TANK: variants seen among roughly 807,000 people sequenced by gnomAD.
TANK encodes TRAF family member-associated NF-kappa-B activator.
Under a neutral mutation model 43.6 loss-of-function variants are expected in TANK, and 15 were observed. The observed-to-expected ratio is 0.34, with a 90% CI of 0.23 to 0.53. The LOEUF (loss-of-function observed/expected upper bound fraction) is 0.53. Ranked by LOEUF, TANK falls within the 20% of genes least tolerant of loss-of-function variation. The pLI is 0.94. For missense variants in TANK, 417 were observed against 498.6 expected, an observed-to-expected ratio of 0.84 and a Z score of 1.56; for synonymous variants, 162 against 178.2, an observed-to-expected ratio of 0.91 and a Z score of 0.73.
intron 1 of TANK, among the ~76,000 whole-genome samples, chr2:161,150,720 G>A (rs10196839): frequency 0.055 from 8,314 of 150,866 alleles, 724 homozygotes; most frequent in African/African-American, 0.19. Context: ...CCAAATAGCC[G>A]GGATTACAGG....
intron 4 of TANK, among the ~76,000 whole-genome samples, chr2:161,211,299 T>C (rs1247710504): frequency 6.6e-6 from 1 of 152,180 alleles, no homozygotes; most frequent in Non-Finnish European, 1.5e-5. Flanking sequence ...TCATATCTTA[T>C]ATACACTGGA....
intron 1 of TANK, among the ~76,000 whole-genome samples, chr2:161,166,936 T>A (rs971555891): frequency 6.6e-6 from 1 of 152,246 alleles, no homozygotes; most frequent in African/African-American, 2.4e-5. Context: ...TGGGAAAGGC[T>A]GGTGGCTTTC....
intron 1 of TANK, among the ~76,000 whole-genome samples, chr2:161,172,737 C>T (rs1456504857): frequency 1.3e-5 from 2 of 152,118 alleles, no homozygotes; most frequent in African/African-American, 2.4e-5. Flanking sequence ...GGTCCCATTT[C>T]AGGCCAACTG....
intron 4 of TANK, among the ~76,000 whole-genome samples, chr2:161,211,077 G>A (rs1177687430): frequency 6.6e-6 from 1 of 152,184 alleles, no homozygotes; most frequent in East Asian, 1.9e-4. Flanking sequence ...CTTCAGAGGA[G>A]AAAGTGCTTT....
intron 2 of TANK, among the ~76,000 whole-genome samples, chr2:161,188,461 T>TGATTC (rs1344019122): frequency 5.9e-5 from 9 of 152,274 alleles, no homozygotes; most frequent in African/African-American, 2.2e-4. Flanking sequence ...CACTAACTAC[T>TGATTC]AAGAATGAAT....
chr2:161,197,328 GCT>G (rs1686199465), intron 2 of TANK: 1 of 151,904 alleles, frequency 6.6e-6, no homozygotes, highest in African/African-American at 2.4e-5. Flanking sequence ...TGTTTTCTTT[GCT>G]TGACAGAATG....
At chr2:161,177,961 T>C (rs900624528) in intron 1 of TANK, among the ~76,000 whole-genome samples, 1 of 152,138 alleles carries the variant, frequency 6.6e-6, no homozygotes, top group African/African-American at 2.4e-5. Flanking sequence ...AAAACCTTGA[T>C]AGGGTATCCT....
intron 7 of TANK, among the ~76,000 whole-genome samples, chr2:161,233,653 A>G (rs979136162): frequency 1.3e-5 from 2 of 152,106 alleles, no homozygotes; most frequent in Non-Finnish European, 2.9e-5. Flanking sequence ...AAGAGATCAA[A>G]TCTGAACTAA....
intron 1 of TANK, among the ~76,000 whole-genome samples, chr2:161,170,350 T>C (rs1046855653): frequency 6.6e-6 from 1 of 152,214 alleles, no homozygotes; most frequent in African/African-American, 2.4e-5. Flanking sequence ...AACAAAGTGC[T>C]GTTGCTCTGG....
chr2:161,153,687 CAAAAAA>C (rs11395042), intron 1 of TANK, among the ~76,000 whole-genome samples: 3 of 76,340 alleles, frequency 3.9e-5, no homozygotes, highest in Non-Finnish European at 7.3e-5. Context: ...GGCCCTGTCT[CAAAAAA>C]AAAAAAAAAA....
At chr2:161,230,938 G>T (rs778220664) in intron 6 of TANK, 33 bp from the exon 7 acceptor site, 9 of 1,506,950 alleles carry the variant, frequency 6.0e-6, no homozygotes, top group Non-Finnish European at 8.3e-6. Flanking sequence ...ATTTGAATGC[G>T]GCTGTTTCTC....
intron 6 of TANK, 94 bp from the exon 7 acceptor site, chr2:161,230,877 G>GA (rs1687876922): frequency 2.0e-6 from 2 of 1,008,740 alleles, no homozygotes; most frequent in Non-Finnish European, 2.9e-6. Flanking sequence ...AAAACCAATA[G>GA]AAAAAATAAT....
At chr2:161,165,830 C>G (rs1424619649) in intron 1 of TANK, among the ~76,000 whole-genome samples, 1 of 152,220 alleles carries the variant, frequency 6.6e-6, no homozygotes, top group Non-Finnish European at 1.5e-5. Flanking sequence ...AAAGATTACT[C>G]AGTTCAGCAC....
At chr2:161,147,586 C>T (rs1222172730) in intron 1 of TANK, among the ~76,000 whole-genome samples, 1 of 152,214 alleles carries the variant, frequency 6.6e-6, no homozygotes, top group Non-Finnish European at 1.5e-5. Context: ...ATGTGGCTCT[C>T]AGGTGGGCCA....
intron 4 of TANK, among the ~76,000 whole-genome samples, chr2:161,205,952 T>C (rs1263901679): frequency 1.3e-5 from 2 of 152,178 alleles, no homozygotes; most frequent in Non-Finnish European, 2.9e-5. Flanking sequence ...TAGGATACTT[T>C]ATGTAGTTTT....
At chr2:161,234,685 T>C (rs1477198060) in intron 7 of TANK, among the ~76,000 whole-genome samples, 2 of 152,190 alleles carry the variant, frequency 1.3e-5, no homozygotes, top group African/African-American at 4.8e-5. Flanking sequence ...AAACTACCTA[T>C]TATATAACAG....
chr2:161,213,080 G>C (rs1487044229), intron 4 of TANK, among the ~76,000 whole-genome samples: 1 of 151,948 alleles, frequency 6.6e-6, no homozygotes, highest in South Asian at 2.1e-4. Context: ...GTTTTCTCAG[G>C]GGCTAAAAGA....
Position 161,161,103 on chromosome 2 carries a change from A to G in TANK, c.-50+617A>G, listed in dbSNP as rs185140824. 257 of 1,045,746 alleles carry G rather than the reference A, an allele frequency of 2.5e-4. No homozygotes were observed. In the Middle Eastern group the frequency reaches 3.1e-3, roughly 12 times the overall value. The allele number at this position is 1,045,746 out of a possible 1,614,324, so 64.8% of individuals were successfully genotyped here. On this transcript the variant is annotated intron_variant, in intron 1 of 7. Coordinates refer to ENST00000392749, the MANE Select transcript of TANK (RefSeq NM_001199135.3). ...CGCCCACAGTGGGAACCCAGGCGTT[A>G]GGTAGAGTCCTCACGCCGGTGTAAA...
intron 1 of TANK, chr2:161,160,960 A>C: frequency 2.3e-6 from 1 of 430,178 alleles, no homozygotes; most frequent in Non-Finnish European, 4.5e-6. Context: ...TGGTTGCACA[A>C]TTCCCCTCTG....
Sources: gnomAD v4.1 joint callset for allele counts (sites outside exome capture counted in the v4.1 genomes callset) on GRCh38, gnomAD v4.1.1 for gene constraint, MANE v1.5 for transcripts, NCBI Gene and HGNC (gene_info 2026-07-23, HGNC 2026-07-21) for gene names.